The following EPHB2 variants were observed in gnomAD, a reference collection of about 807,000 sequenced individuals.
The protein encoded by EPHB2 is EPH receptor B2.
A neutral mutation model predicts 96.4 loss-of-function variants in EPHB2; 18 were observed. The observed-to-expected ratio is 0.19, with a 90% confidence interval of 0.13 to 0.28. The LOEUF (loss-of-function observed/expected upper bound fraction) is 0.28. EPHB2 is among the 10% of genes least tolerant of loss of function. The pLI is 1.00. For missense variants in EPHB2, 989 were observed against 1,355.4 expected (o/e 0.73, Z 4.25); for synonymous variants, 506 against 534.1 (o/e 0.95, Z 0.72).
In EPHB2 at chr1:22,733,892, T is replaced by C. The variant is rs1039918563; in HGVS notation, c.61+22849T>C. On this transcript the variant is annotated intron_variant, in intron 1 of 15. Coordinates refer to ENST00000374630, the MANE Select transcript of EPHB2 (RefSeq NM_017449.5). The surrounding 1 kb of genome is among the most constrained non-coding windows in gnomAD (Gnocchi z 4.6). ...GGATTCTTGACCTGGTATGATTTGG[T>C]GGGGACGGAGCTAGAAGTTGAACCT... 6.6e-6 allele frequency among the ~76,000 whole-genome samples: 1 copy of C among 151,902 alleles called. No individual in the cohort carries two copies. The highest frequency in any genetic ancestry group is 1.5e-5 in the Non-Finnish European group (1 of 68,002).
At chr1:22,736,530 G>A (rs1480032666) in intron 1 of EPHB2, among the ~76,000 whole-genome samples, 2 of 152,222 alleles carry the variant, frequency 1.3e-5, no homozygotes, top group Non-Finnish European at 2.9e-5. Flanking sequence ...GGTTCCCTGG[G>A]GGTGGGAAGG....
In EPHB2 at chr1:22,920,664, C is replaced by T. The variant is rs979379153; in HGVS notation, c.*7094C>T. ...GAGAGGGACTCTGATGGGCAGGGGG[C>T]ACCAAGTTGAGCCTCTGAGGCTGGC... On this transcript the variant is annotated 3_prime_UTR_variant, in exon 16 of 16. Transcript: ENST00000374630. The T allele has an allele frequency of 6.6e-6, 1 of 152,244 alleles. No homozygotes were observed. The highest frequency in any genetic ancestry group is 2.4e-5 in the African/African-American group (1 of 41,434). 9.4% of individuals were successfully genotyped at this position (152,244 alleles called of 1,614,324 possible).
At chr1:22,724,254 G>A (rs189663803) in intron 1 of EPHB2, among the ~76,000 whole-genome samples, 43 of 152,250 alleles carry the variant, frequency 2.8e-4, no homozygotes, top group Non-Finnish European at 4.1e-4. Context: ...GTGTGTGTGC[G>A]TGTGTAATGT....
At chr1:22,751,955 G>A (rs531955064) in intron 1 of EPHB2, among the ~76,000 whole-genome samples, 4 of 152,150 alleles carry the variant, frequency 2.6e-5, no homozygotes, top group African/African-American at 4.8e-5. Context: ...ATCAGGCTTC[G>A]GTCTGGAGTT....
chr1:22,821,374 T>G (rs1645149957), intron 3 of EPHB2, among the ~76,000 whole-genome samples: 1 of 152,144 alleles, frequency 6.6e-6, no homozygotes, highest in Non-Finnish European at 1.5e-5. Context: ...ATTGGGACAA[T>G]CATCAGTGAC....
intron 1 of EPHB2, among the ~76,000 whole-genome samples, chr1:22,762,169 G>A (rs965964837): frequency 6.6e-6 from 1 of 152,206 alleles, no homozygotes; most frequent in Non-Finnish European, 1.5e-5. Context: ...GTATGGGAAG[G>A]GGCCAGGGTG....
chr1:22,796,679 G>T (rs966331438), intron 3 of EPHB2, among the ~76,000 whole-genome samples: 1 of 152,212 alleles, frequency 6.6e-6, no homozygotes, highest in Admixed American at 6.5e-5. Context: ...CTCAAACTCA[G>T]GGTCTGACGC....
At chr1:22,824,374 A>C (rs1645194349) in intron 3 of EPHB2, among the ~76,000 whole-genome samples, 1 of 152,242 alleles carries the variant, frequency 6.6e-6, no homozygotes, top group Admixed American at 6.5e-5. Context: ...GTAGGAAGGC[A>C]GAGACAGAGA....
At chr1:22,819,761 C>T (rs1645126711) in intron 3 of EPHB2, among the ~76,000 whole-genome samples, 1 of 152,070 alleles carries the variant, frequency 6.6e-6, no homozygotes, top group African/African-American at 2.4e-5. Context: ...CCCTGGGTAC[C>T]TCCAGTGAGG....
intron 5 of EPHB2, among the ~76,000 whole-genome samples, chr1:22,871,353 AG>A (rs1271355031): frequency 6.6e-6 from 1 of 152,140 alleles, no homozygotes; most frequent in African/African-American, 2.4e-5. Context: ...TGTAATTAAC[AG>A]GGTCAGCCAC....
At chr1:22,845,098 C>A (rs1384105810) in intron 3 of EPHB2, among the ~76,000 whole-genome samples, 1 of 152,194 alleles carries the variant, frequency 6.6e-6, no homozygotes, top group Non-Finnish European at 1.5e-5. Flanking sequence ...CGTGGAGTCC[C>A]ACCTCCTGAG....
chr1:22,739,202 A>G (rs772541748), intron 1 of EPHB2, among the ~76,000 whole-genome samples: 2 of 151,640 alleles, frequency 1.3e-5, no homozygotes, highest in Non-Finnish European at 1.5e-5. Context: ...CACCATGTCC[A>G]ACTAATTCTT....
At chr1:22,755,892 T>C (rs546496608) in intron 1 of EPHB2, among the ~76,000 whole-genome samples, 5 of 152,304 alleles carry the variant, frequency 3.3e-5, no homozygotes, top group Admixed American at 1.3e-4. Context: ...GGCCAGGCAC[T>C]GTGCCTGCAA....
intron 3 of EPHB2, among the ~76,000 whole-genome samples, chr1:22,857,249 C>G (rs1360520750): frequency 6.6e-6 from 1 of 152,180 alleles, no homozygotes; most frequent in Admixed American, 6.5e-5. Flanking sequence ...GCAAACACAA[C>G]CAATCAGGGC....
At chr1:22,819,369 T>G (rs1180236572) in intron 3 of EPHB2, among the ~76,000 whole-genome samples, 2 of 152,134 alleles carry the variant, frequency 1.3e-5, no homozygotes, top group East Asian at 3.9e-4. Flanking sequence ...CAAGACTTCT[T>G]GTGAAGACTG....
At chr1:22,747,261 C>G (rs1477496487) in intron 1 of EPHB2, among the ~76,000 whole-genome samples, 1 of 152,248 alleles carries the variant, frequency 6.6e-6, no homozygotes, top group Non-Finnish European at 1.5e-5. Context: ...ATAGCCCAGG[C>G]AAGGTTACTT....
chr1:22,749,821 G>C (rs76623584), intron 1 of EPHB2, among the ~76,000 whole-genome samples: 4,297 of 152,226 alleles, frequency 0.028, 177 homozygotes, highest in East Asian at 0.14. Context: ...TGAGTCAGCT[G>C]GTCCCTGCCC....
Position 22,805,647 on chromosome 1 carries a change from G to A in EPHB2, c.811+20571G>A, listed in dbSNP as rs145357392. ...CCTGGACCCAGGGTCAGCAAGGAGCGGGTGGGGGTGCAAAGGCTGTGATTC... is the reference window on the plus strand; with the variant it reads ...CCTGGACCCAGGGTCAGCAAGGAGCAGGTGGGGGTGCAAAGGCTGTGATTC... On this transcript the variant is annotated intron_variant, in intron 3 of 15. Coordinates refer to ENST00000374630, the MANE Select transcript of EPHB2 (RefSeq NM_017449.5). 6.5e-3 allele frequency among the ~76,000 whole-genome samples: 989 copies of A among 152,326 alleles called. 8 individuals are homozygous for A. The highest frequency in any genetic ancestry group is 0.011 in the Non-Finnish European group (738 of 68,024).
intron 1 of EPHB2, among the ~76,000 whole-genome samples, chr1:22,751,807 C>A (rs1377699573): frequency 6.6e-6 from 1 of 152,190 alleles, no homozygotes; most frequent in Non-Finnish European, 1.5e-5. Flanking sequence ...GGAGTTGCCT[C>A]GCTGCAGGGC....
Sources: gnomAD v4.1 joint callset for allele counts (sites outside exome capture counted in the v4.1 genomes callset) on GRCh38, gnomAD v4.1.1 for gene constraint, Gnocchi (gnomAD v3.1) non-coding constraint, MANE v1.5 for transcripts, NCBI Gene and HGNC (gene_info 2026-07-23, HGNC 2026-07-21) for gene names.